The following ANKAR variants were observed in gnomAD, a reference collection of about 807,000 sequenced individuals.
ANKAR encodes the protein ankyrin and armadillo repeat containing.
Under a neutral mutation model 146.2 loss-of-function variants are expected in ANKAR, and 136 were observed. The ratio of observed to expected loss-of-function variants is 0.93; its 90% CI spans 0.81 to 1.07. The LOEUF is 1.07. Among genes scored for constraint, ANKAR ranks in the 50% least tolerant of loss-of-function variants. The pLI is 0.00. For missense variants in ANKAR, 1,567 were observed against 1,679.9 expected, an observed-to-expected ratio of 0.93 and a Z score of 1.18; for synonymous variants, 500 against 575.8, an observed-to-expected ratio of 0.87 and a Z score of 1.88.
At chr2:189,752,836 T>G (rs775384078) in intron 18 of ANKAR, 36 of 1,613,544 alleles carry the variant, frequency 2.2e-5, no homozygotes, top group Non-Finnish European at 3.1e-5. Context: ...AGCACGTATA[T>G]CCTGTGGCTT....
chr2:189,758,014 G>A (rs1041423869), intron 18 of ANKAR, among the ~76,000 whole-genome samples: 3 of 152,158 alleles, frequency 2.0e-5, no homozygotes, highest in African/African-American at 7.2e-5. Context: ...GGTGGGAGAT[G>A]ACTACATCAT....
At chr2:189,686,635 C>A (rs1462569175) in intron 2 of ANKAR, among the ~76,000 whole-genome samples, 1 of 151,938 alleles carries the variant, frequency 6.6e-6, no homozygotes, top group African/African-American at 2.4e-5. Flanking sequence ...AAGCTGATAC[C>A]CTGGTTAAAG....
intron 15 of ANKAR, among the ~76,000 whole-genome samples, chr2:189,729,056 A>G (rs1012022085): frequency 3.9e-5 from 6 of 152,194 alleles, no homozygotes; most frequent in Non-Finnish European, 8.8e-5. Context: ...TAGAAAGGAA[A>G]ATTAAGACAA....
intron 18 of ANKAR, among the ~76,000 whole-genome samples, chr2:189,759,406 G>A (rs1202045531): frequency 2.6e-5 from 4 of 152,050 alleles, no homozygotes; most frequent in African/African-American, 7.2e-5. Flanking sequence ...CCGCCACCAC[G>A]CCTGGCTAAT....
In ANKAR at chr2:189,719,652, A is replaced by G. The variant is rs2041004632; in HGVS notation, c.2305A>G (p.Ile769Val). Residue 769 changes from isoleucine (I) to valine (V), a missense_variant, in exon 11 of 23, where the codon ATC becomes GTC. Coordinates refer to ENST00000684021, the MANE Select transcript of ANKAR (RefSeq NM_001378068.1). ...CAAAACTGTTGGGTTATTGAGTAAT[A>G]TCTCAACCCACAAAAGTGCAGTGCA... ...QCKTVGLLSN[I>V]STHKSAVHAL... is the part of the protein sequence containing the mutation. 1.9e-6 allele frequency: 3 copies of G among 1,614,190 alleles called. No individual in the cohort carries two copies. The highest frequency in any genetic ancestry group is 2.5e-6 in the Non-Finnish European group (3 of 1,180,022).
intron 15 of ANKAR, among the ~76,000 whole-genome samples, chr2:189,730,145 C>T (rs1211089722): frequency 6.6e-6 from 1 of 152,126 alleles, no homozygotes; most frequent in Admixed American, 6.6e-5. Flanking sequence ...TAGAAGTAAA[C>T]TTTTTATGGA....
At chr2:189,687,024 T>C (rs1291587571) in intron 2 of ANKAR, among the ~76,000 whole-genome samples, 2 of 152,232 alleles carry the variant, frequency 1.3e-5, no homozygotes, top group Non-Finnish European at 2.9e-5. Flanking sequence ...AATTATTGAC[T>C]GTAGTCACCT....
chr2:189,727,767 T>C, intron 12 of ANKAR, 89 bp from the exon 13 acceptor site: 3 of 1,434,896 alleles, frequency 2.1e-6, no homozygotes, highest in Non-Finnish European at 2.8e-6. Context: ...AAATTTGATT[T>C]TATAATATGG....
intron 2 of ANKAR, among the ~76,000 whole-genome samples, 159 bp downstream of exon 2, chr2:189,677,250 C>T (rs915618633): frequency 6.6e-6 from 1 of 151,974 alleles, no homozygotes; most frequent in African/African-American, 2.4e-5. Flanking sequence ...TGCACCTGGC[C>T]ACTTCTTAAT....
In ANKAR at chr2:189,743,474, G is replaced by A. The variant is rs983023276; in HGVS notation, c.4010G>A (p.Ser1337Asn). 9.9e-6 allele frequency: 16 copies of A among 1,612,078 alleles called. No homozygotes were observed. Among genetic ancestry groups the A allele is most frequent in the South Asian group, 6.6e-5 (6 of 90,916 alleles). ...QQTLVGLPSL[S>N]LEKNGGPSII... is the part of the protein sequence containing the mutation. ...ACACTGGTGGGACTTCCTTCCTTAA[G>A]GTATGGTCCTATGTTAGAAGTTGCA... is the stretch of plus-strand genomic sequence containing the variant. Residue 1337 changes from serine to asparagine, a missense_variant and splice_region_variant, in exon 21 of 23, where the codon AGT becomes AAT. Physicochemically the swap from Ser to Asn is conservative, Grantham distance 46. Transcript: ENST00000684021.
chr2:189,752,541 T>C, intron 18 of ANKAR: 1 of 990,552 alleles, frequency 1.0e-6, no homozygotes, highest in South Asian at 1.5e-5. Flanking sequence ...TTTATGTAAC[T>C]TTCCTTCAAG....
At chr2:189,758,886 T>C (rs1014720436) in intron 18 of ANKAR, among the ~76,000 whole-genome samples, 3 of 152,228 alleles carry the variant, frequency 2.0e-5, no homozygotes, top group African/African-American at 7.2e-5. Context: ...CTAATTTAGA[T>C]AAAGTGGTCA....
intron 15 of ANKAR, among the ~76,000 whole-genome samples, chr2:189,729,161 T>C (rs1225088): frequency 0.98 from 149,493 of 152,332 alleles, 73,414 homozygotes; most frequent in South Asian, 1. Context: ...TTTTTGAAGA[T>C]ATAGAAGAGT....
At chr2:189,741,206 G>T in intron 19 of ANKAR, 136 bp from the exon 20 acceptor site, 1 of 490,696 alleles carries the variant, frequency 2.0e-6, no homozygotes, top group Non-Finnish European at 3.6e-6. Flanking sequence ...ACATATGCAT[G>T]CTTTTTCTCA....
Position 189,707,130 on chromosome 2 carries a change from G to A in ANKAR, c.2103G>A (p.Val701=). 1 of 1,534,962 alleles carries A rather than the reference G, an allele frequency of 6.5e-7. No homozygotes were observed. Among genetic ancestry groups the A allele is most frequent in the Non-Finnish European group, 8.8e-7 (1 of 1,140,308 alleles). ...IIKLNIPELP[V]WKTLVEMLQC... ...AATTAAATATTCCTGAACTCCCAGTGTGGAAAACTTTGGTAGGTGAGTATA... is the reference window on the plus strand; with the variant it reads ...AATTAAATATTCCTGAACTCCCAGTATGGAAAACTTTGGTAGGTGAGTATA... The change falls in exon 9 of 23, where the codon GTG becomes GTA. Residue 701 remains valine, a synonymous_variant. Coordinates refer to ENST00000684021, the MANE Select transcript of ANKAR (RefSeq NM_001378068.1).
At chr2:189,676,435 T>C (rs2033689247) in intron 1 of ANKAR, 21 bp from the exon 2 acceptor site, 5 of 1,459,730 alleles carry the variant, frequency 3.4e-6, no homozygotes, top group Non-Finnish European at 3.6e-6. Flanking sequence ...TTGATAATCT[T>C]TTCCTTCTTA....
intron 18 of ANKAR, 85 bp from the exon 19 acceptor site, chr2:189,738,480 A>G (rs1469898512): frequency 3.5e-6 from 3 of 866,238 alleles, no homozygotes; most frequent in Non-Finnish European, 5.4e-6. Context: ...AGAATTAAAA[A>G]AAAAACATAA....
intron 18 of ANKAR, chr2:189,753,180 C>T (rs529271290): frequency 2.8e-5 from 10 of 356,070 alleles, no homozygotes; most frequent in African/African-American, 2.1e-4. Flanking sequence ...ACAAACATTA[C>T]TAGCATTTTT....
At chr2:189,739,970 C>T (rs1326837386) in intron 19 of ANKAR, among the ~76,000 whole-genome samples, 3 of 152,114 alleles carry the variant, frequency 2.0e-5, no homozygotes, top group Non-Finnish European at 4.4e-5. Context: ...TGGACTTTCT[C>T]TGCACTCCAC....
Sources: gnomAD v4.1 joint callset for allele counts (sites outside exome capture counted in the v4.1 genomes callset) on GRCh38, gnomAD v4.1.1 for gene constraint, MANE v1.5 for transcripts, NCBI Gene and HGNC (gene_info 2026-07-23, HGNC 2026-07-21) for gene names.